The following MLXIP variants were observed in gnomAD, a reference collection of about 807,000 sequenced individuals.
MLXIP encodes the protein MLX-interacting protein.
MLXIP carries 30 observed loss-of-function variants against 87.2 expected under a neutral mutation model. That is an observed-to-expected ratio of 0.34 (90% CI 0.26 to 0.47). MLXIP has a LOEUF of 0.47. MLXIP is among the 20% of genes least tolerant of loss of function. The pLI, the probability that MLXIP is intolerant of heterozygous loss-of-function variation, is 1.00. For missense variants in MLXIP, 1,002 were observed against 1,240.1 expected (o/e 0.81, Z 2.88); for synonymous variants, 530 against 514.0 (o/e 1.03, Z -0.42).
chr12:122,105,791 A>C (rs28530722), intron 1 of MLXIP, among the ~76,000 whole-genome samples: 2,829 of 152,090 alleles, frequency 0.019, 79 homozygotes, highest in African/African-American at 0.065. Flanking sequence ...AAAAAAAAAA[A>C]AACTTCCCTT....
chr12:122,137,430 G>A lies in MLXIP; in HGVS notation c.2033-39G>A. On this transcript the variant is annotated intron_variant, in intron 11 of 16. Transcript: ENST00000319080. This position sits in a 1 kb window ranked among gnomAD's most constrained non-coding sequence, Gnocchi z 4.1. ...GGCTGCCTCCTGGTGGCGTTGAGGG[G>A]CCAGGCCTCCGCCCCTCAGAGGAGT... 6.3e-7 allele frequency: 1 copy of A among 1,593,702 alleles called. No individual in the cohort carries two copies. The highest frequency in any genetic ancestry group is 8.5e-7 in the Non-Finnish European group (1 of 1,169,650).
At chr12:122,097,471 T>G (rs2135920142) in intron 1 of MLXIP, among the ~76,000 whole-genome samples, 1 of 151,832 alleles carries the variant, frequency 6.6e-6, no homozygotes, top group African/African-American at 2.4e-5. Flanking sequence ...AACTAAAAAA[T>G]TAGCCAGGTG....
Position 122,141,919 on chromosome 12 carries a change from T to C in MLXIP, c.*107T>C. 1 of 1,506,688 alleles carries C rather than the reference T, an allele frequency of 6.6e-7. No individual in the cohort carries two copies. 93.3% of individuals were successfully genotyped at this position (1,506,688 alleles called of 1,614,324 possible). A position where few individuals can be genotyped will look rare whatever the true frequency, so the allele number is the denominator to read the frequency against. On this transcript the variant is annotated 3_prime_UTR_variant, in exon 17 of 17. Coordinates refer to ENST00000319080, the MANE Select transcript of MLXIP (RefSeq NM_014938.6). The stretch of plus-strand genomic sequence containing the variant: ...TCCTGACGCTCAGCCTCGGGGCCTC[T>C]CTCCAACTCTGCCGGCCCACCGTGG...
intron 1 of MLXIP, among the ~76,000 whole-genome samples, chr12:122,110,528 C>T (rs1054005985): frequency 2.6e-5 from 4 of 151,936 alleles, no homozygotes; most frequent in Non-Finnish European, 4.4e-5. Context: ...CTCAGGTGAT[C>T]CACCCGCTTC....
rs776332981 is a variant in MLXIP at position 122,121,009 on chromosome 12, G to GTTT, written c.414-6247_414-6246insTTT. ...TAGCCCCAGAGCCCTCTGCATGCTT[G>GTTT]GTTTTTTTTTTTTTTTTTTGAAACG... On this transcript the variant is annotated intron_variant, in intron 1 of 16. Coordinates refer to ENST00000319080, the MANE Select transcript of MLXIP (RefSeq NM_014938.6). Among the ~76,000 whole-genome samples, 17 of 102,162 alleles carry GTTT rather than the reference G, an allele frequency of 1.7e-4. 1 individual carries two copies. Among genetic ancestry groups the GTTT allele is most frequent in the East Asian group, 3.2e-4 (1 of 3,154 alleles). The allele number at this position is 102,162 out of a possible 152,430, so 67.0% of individuals were successfully genotyped here.
chr12:122,122,531 TTTTTTC>T (rs1198209375), intron 1 of MLXIP, among the ~76,000 whole-genome samples: 2 of 151,892 alleles, frequency 1.3e-5, no homozygotes, highest in Admixed American at 6.6e-5. Context: ...TCCCTGCTAC[TTTTTTC>T]TTTTTCTTTT....
At chr12:122,141,543 GGC>G in intron 16 of MLXIP, 146 bp from the exon 17 acceptor site, 1 of 1,279,670 alleles carries the variant, frequency 7.8e-7, no homozygotes, top group South Asian at 1.7e-5. Context: ...TCTCGGTGTC[GGC>G]CCCTGGCACT....
chr12:122,130,400 C>T (rs1184536959), intron 6 of MLXIP, among the ~76,000 whole-genome samples: 1 of 151,884 alleles, frequency 6.6e-6, no homozygotes, highest in Non-Finnish European at 1.5e-5. Flanking sequence ...ATTTCAGATA[C>T]CGTTCTCTTC....
intron 8 of MLXIP, chr12:122,132,616 G>A (rs1415968617): frequency 1.9e-6 from 1 of 515,908 alleles, no homozygotes; most frequent in Non-Finnish European, 3.4e-6. Context: ...CTGCCTGAGT[G>A]CCAGGTAACC....
At chr12:122,108,711 C>T (rs574809825) in intron 1 of MLXIP, among the ~76,000 whole-genome samples, 15 of 152,172 alleles carry the variant, frequency 9.9e-5, no homozygotes, top group Non-Finnish European at 1.6e-4. Flanking sequence ...TTTGCTTTCA[C>T]TTGTGTGTGG....
At chr12:122,097,433 C>A (rs1176121262) in intron 1 of MLXIP, among the ~76,000 whole-genome samples, 1 of 151,824 alleles carries the variant, frequency 6.6e-6, no homozygotes, top group Non-Finnish European at 1.5e-5. Flanking sequence ...TCATCCTGGG[C>A]AACATAACGA....
intron 1 of MLXIP, among the ~76,000 whole-genome samples, chr12:122,111,922 C>G (rs1186213287): frequency 6.6e-6 from 1 of 152,164 alleles, no homozygotes; most frequent in Non-Finnish European, 1.5e-5. Flanking sequence ...ATTTATTAAA[C>G]ATAATCCCAA....
intron 1 of MLXIP, among the ~76,000 whole-genome samples, chr12:122,121,953 A>G (rs913821798): frequency 6.6e-6 from 1 of 152,166 alleles, no homozygotes; most frequent in African/African-American, 2.4e-5. Flanking sequence ...CATATTTAAA[A>G]CACCTCCCAC....
chr12:122,111,768 G>A (rs1399757674), intron 1 of MLXIP, among the ~76,000 whole-genome samples: 1 of 152,116 alleles, frequency 6.6e-6, no homozygotes, highest in Non-Finnish European at 1.5e-5. Context: ...GAAATGTGAA[G>A]GAGGTTCATG....
In MLXIP at chr12:122,117,114, G is replaced by A. The variant is rs184872345; in HGVS notation, c.414-10142G>A. Among the ~76,000 whole-genome samples, 33 of 152,296 alleles carry A rather than the reference G, an allele frequency of 2.2e-4. No individual in the cohort carries two copies. The East Asian group carries it at 5.8e-3, about 27-fold the overall frequency. ...CAAACAAGCTGGCACGCATGTGGGCGGAGCACCTGCAGGCACTCGAACACT... is the reference window on the plus strand; with the variant it reads ...CAAACAAGCTGGCACGCATGTGGGCAGAGCACCTGCAGGCACTCGAACACT... On this transcript the variant is annotated intron_variant, in intron 1 of 16. Coordinates refer to ENST00000319080, the MANE Select transcript of MLXIP (RefSeq NM_014938.6).
Position 122,142,239 on chromosome 12 carries a change from C to T in MLXIP, c.*427C>T, listed in dbSNP as rs919077827. ...CTGCCACGTCCTGTCCACATGCATG[C>T]CTCTGCCTGATGCCCTGCTCCACTC... On this transcript the variant is annotated 3_prime_UTR_variant, in exon 17 of 17. Transcript: ENST00000319080. 3 of 699,394 alleles carry T rather than the reference C, an allele frequency of 4.3e-6. No homozygotes were observed. The highest frequency in any genetic ancestry group is 7.8e-6 in the Non-Finnish European group (3 of 383,516). The allele number at this position is 699,394 out of a possible 1,614,324, so 43.3% of individuals were successfully genotyped here. A position where few individuals can be genotyped will look rare whatever the true frequency, so the allele number is the denominator to read the frequency against.
intron 1 of MLXIP, among the ~76,000 whole-genome samples, chr12:122,081,578 T>C (rs1952091505): frequency 6.6e-6 from 1 of 152,080 alleles, no homozygotes; most frequent in Admixed American, 6.6e-5. Context: ...GTCCCAGCAC[T>C]TTGGGAGGCC....
chr12:122,116,753 C>T (rs1301547889), intron 1 of MLXIP, among the ~76,000 whole-genome samples: 1 of 152,208 alleles, frequency 6.6e-6, no homozygotes, highest in Admixed American at 6.5e-5. Context: ...CGTGCTGGGC[C>T]CAGGCCCTCA....
rs1304119935 is a variant in MLXIP at position 122,129,008 on chromosome 12, G to A, written c.607-129G>A. 1.0e-5 allele frequency: 7 copies of A among 702,380 alleles called. No homozygotes were observed. In the East Asian group the frequency reaches 1.9e-4, roughly 19 times the overall value. 43.5% of individuals were successfully genotyped at this position (702,380 alleles called of 1,614,324 possible). On this transcript the variant is annotated intron_variant, in intron 3 of 16. Transcript: ENST00000319080. ...TGGGACGTACTTTCTGAGTGATGTG[G>A]TAGCCACTGTGGGGTTTCCCGCTGG...
Sources: allele counts gnomAD v4.1 joint callset (sites outside exome capture counted in the v4.1 genomes callset), GRCh38; gene constraint gnomAD v4.1.1; non-coding constraint Gnocchi (gnomAD v3.1); transcripts MANE v1.5; gene names NCBI Gene and HGNC (gene_info 2026-07-23, HGNC 2026-07-21).